CRPPA: variants seen among roughly 807,000 people sequenced by gnomAD.
The protein encoded by CRPPA is D-ribitol-5-phosphate cytidylyltransferase.
In CRPPA, 43 loss-of-function variants were observed where a neutral mutation model predicts 52.0. That is an observed-to-expected ratio of 0.83 (90% CI 0.65 to 1.07). The LOEUF (loss-of-function observed/expected upper bound fraction) is 1.07, where lower values mean the gene tolerates loss of function less well. CRPPA is among the 50% of genes least tolerant of loss of function. CRPPA has a pLI of 0.00. For missense variants in CRPPA, 629 were observed against 551.7 expected (o/e 1.14, Z -1.40); for synonymous variants, 250 against 203.5 (o/e 1.23, Z -1.94).
intron 9 of CRPPA, among the ~76,000 whole-genome samples, chr7:16,117,571 G>A (rs1583368127): frequency 6.6e-6 from 1 of 151,818 alleles, no homozygotes; most frequent in Admixed American, 6.6e-5. Context: ...CACACACCTT[G>A]CGGGAGCTAC....
intron 8 of CRPPA, among the ~76,000 whole-genome samples, chr7:16,256,534 C>A (rs781655027): frequency 7.9e-5 from 12 of 152,132 alleles, no homozygotes; most frequent in Non-Finnish European, 1.6e-4. Flanking sequence ...CAGTGATAGA[C>A]TGGATAAAGA....
chr7:16,367,650 G>A (rs1181480870), intron 3 of CRPPA, among the ~76,000 whole-genome samples: 1 of 152,154 alleles, frequency 6.6e-6, no homozygotes, highest in East Asian at 1.9e-4. Flanking sequence ...GACAGTACGA[G>A]ATACAAGTCT....
At chr7:16,102,697 A>G (rs545969300) in intron 9 of CRPPA, among the ~76,000 whole-genome samples, 39 of 150,514 alleles carry the variant, frequency 2.6e-4, no homozygotes, top group Admixed American at 9.8e-4. Flanking sequence ...ACCAACAAAC[A>G]TGTGAAAAAA....
At chr7:16,389,928 A>AAAAAAAAAAAAAAAAAAATATAT in intron 2 of CRPPA, among the ~76,000 whole-genome samples, 2 of 29,760 alleles carry the variant, frequency 6.7e-5, no homozygotes, top group Non-Finnish European at 5.3e-5. Flanking sequence ...AAAAAAAAAA[A>AAAAAAAAAAAAAAAAAAATATAT]ATATATATAT....
At chr7:16,181,992 TATC>T (rs563452249) in intron 9 of CRPPA, among the ~76,000 whole-genome samples, 52 of 152,082 alleles carry the variant, frequency 3.4e-4, no homozygotes, top group African/African-American at 1.1e-3. Context: ...ATTATAGCTA[TATC>T]ATCAATATTT....
chr7:16,243,178 G>A (rs931101518), intron 8 of CRPPA, among the ~76,000 whole-genome samples: 3 of 152,150 alleles, frequency 2.0e-5, no homozygotes, highest in Non-Finnish European at 4.4e-5. Flanking sequence ...TGATTGTTTT[G>A]TAAGTGTTTG....
chr7:16,100,833 C>G (rs1211638538), intron 9 of CRPPA, among the ~76,000 whole-genome samples: 1 of 152,010 alleles, frequency 6.6e-6, no homozygotes, highest in African/African-American at 2.4e-5. Context: ...TCCATAAACA[C>G]CTAGTTTATT....
At chr7:16,136,601 G>A (rs1782766477) in intron 9 of CRPPA, among the ~76,000 whole-genome samples, 2 of 151,684 alleles carry the variant, frequency 1.3e-5, no homozygotes, top group South Asian at 4.2e-4. Context: ...GCCAACAATT[G>A]CTAAATATCA....
At chr7:16,211,691 C>A (rs1384974543) in intron 9 of CRPPA, among the ~76,000 whole-genome samples, 1 of 152,004 alleles carries the variant, frequency 6.6e-6, no homozygotes. Context: ...AAATGCGGAC[C>A]TTTGAGATGA....
At chr7:16,278,854 T>C (rs1321665525) in intron 5 of CRPPA, among the ~76,000 whole-genome samples, 1 of 152,222 alleles carries the variant, frequency 6.6e-6, no homozygotes, top group East Asian at 1.9e-4. Context: ...AAACCCTGGA[T>C]GCATTCTTCC....
chr7:16,197,024 A>T (rs1410800030), intron 9 of CRPPA, among the ~76,000 whole-genome samples: 1 of 152,064 alleles, frequency 6.6e-6, no homozygotes, highest in Admixed American at 6.6e-5. Context: ...ACCCTTAAAA[A>T]AAGAAAAAGC....
At chr7:16,332,982 T>C (rs1352131229) in intron 3 of CRPPA, among the ~76,000 whole-genome samples, 3 of 152,018 alleles carry the variant, frequency 2.0e-5, no homozygotes, top group Non-Finnish European at 4.4e-5. Context: ...GAGTAGCTAA[T>C]TTCACACACA....
chr7:16,110,156 G>A (rs1003795851), intron 9 of CRPPA, among the ~76,000 whole-genome samples: 2 of 151,814 alleles, frequency 1.3e-5, no homozygotes, highest in Non-Finnish European at 2.9e-5. Context: ...CCTGTGAAAA[G>A]GAAATCAAGA....
At chr7:16,245,169 T>C (rs764037961) in intron 8 of CRPPA, among the ~76,000 whole-genome samples, 1 of 152,190 alleles carries the variant, frequency 6.6e-6, no homozygotes, top group Non-Finnish European at 1.5e-5. Flanking sequence ...AATTTTCCAA[T>C]TACAAACATA....
intron 3 of CRPPA, among the ~76,000 whole-genome samples, chr7:16,369,864 G>A (rs1366033212): frequency 6.6e-6 from 1 of 152,202 alleles, no homozygotes; most frequent in African/African-American, 2.4e-5. Flanking sequence ...AGCCTACTCT[G>A]TGAAGACAGA....
chr7:16,281,695 G>A (rs1319765554), intron 5 of CRPPA, among the ~76,000 whole-genome samples: 1 of 152,136 alleles, frequency 6.6e-6, no homozygotes, highest in Non-Finnish European at 1.5e-5. Flanking sequence ...GAGTGGTTTT[G>A]TAGAATTCAC....
intron 5 of CRPPA, among the ~76,000 whole-genome samples, chr7:16,291,937 T>C (rs1784573163): frequency 1.3e-5 from 2 of 151,900 alleles, no homozygotes; most frequent in African/African-American, 4.8e-5. Context: ...TAGATATACA[T>C]ACATTTACTT....
chr7:16,286,966 C>A (rs1784464276), intron 5 of CRPPA, among the ~76,000 whole-genome samples: 1 of 152,144 alleles, frequency 6.6e-6, no homozygotes, highest in South Asian at 2.1e-4. Context: ...AAGAGCCATA[C>A]CAGTTCCTTA....
intron 2 of CRPPA, among the ~76,000 whole-genome samples, chr7:16,381,232 C>T (rs1171216231): frequency 6.6e-6 from 1 of 152,110 alleles, no homozygotes; most frequent in East Asian, 1.9e-4. Context: ...TTATTTCTGC[C>T]TTCATTTCGT....
Sources: gnomAD v4.1 joint callset for allele counts (sites outside exome capture counted in the v4.1 genomes callset) on GRCh38, gnomAD v4.1.1 for gene constraint, MANE v1.5 for transcripts, NCBI Gene and HGNC (gene_info 2026-07-23, HGNC 2026-07-21) for gene names.